Variants in NR3C2 observed in about 807,000 individuals in gnomAD.
The protein encoded by NR3C2 is nuclear receptor subfamily 3 group C member 2, also known as mineralocorticoid receptor.
In NR3C2, 15 loss-of-function variants were observed where a neutral mutation model predicts 86.4. The ratio of observed to expected loss-of-function variants is 0.17; its 90% CI spans 0.12 to 0.27. NR3C2 has a LOEUF of 0.27. NR3C2 is among the 10% of genes least tolerant of loss of function. The probability of loss-of-function intolerance (pLI) is 1.00; values close to 1 mark genes in which losing one functional copy is unlikely to be tolerated. For synonymous variants in NR3C2, 458 were observed against 450.5 expected (o/e 1.02, Z -0.21); for missense variants, 960 against 1,195.6 (o/e 0.80, Z 2.91).
At chr4:148,371,081 T>C (rs1746393259) in intron 2 of NR3C2, among the ~76,000 whole-genome samples, 1 of 152,168 alleles carries the variant, frequency 6.6e-6, no homozygotes, top group Non-Finnish European at 1.5e-5. Flanking sequence ...GTATATATAT[T>C]TATGGGTTAT....
At chr4:148,352,285 T>C (rs1459350888) in intron 2 of NR3C2, among the ~76,000 whole-genome samples, 3 of 152,232 alleles carry the variant, frequency 2.0e-5, no homozygotes, top group Non-Finnish European at 2.9e-5. Flanking sequence ...TATTACCTTA[T>C]GCTTTATTTT....
chr4:148,283,107 T>C (rs1741330422), intron 2 of NR3C2, among the ~76,000 whole-genome samples: 1 of 152,092 alleles, frequency 6.6e-6, no homozygotes. Flanking sequence ...TTTGAAGAAG[T>C]AAACAATCAG....
At chr4:148,410,446 C>A (rs1001694274) in intron 2 of NR3C2, among the ~76,000 whole-genome samples, 13 of 152,206 alleles carry the variant, frequency 8.5e-5, no homozygotes, top group African/African-American at 3.1e-4. Flanking sequence ...CTTCAGTTCA[C>A]AGTATATTCC....
At chr4:148,401,486 CAG>C (rs1748160958) in intron 2 of NR3C2, among the ~76,000 whole-genome samples, 1 of 114,808 alleles carries the variant, frequency 8.7e-6, no homozygotes, top group Non-Finnish European at 1.7e-5. Flanking sequence ...TTTTTTGAGA[CAG>C]AGTCTTGCTC....
intron 4 of NR3C2, among the ~76,000 whole-genome samples, chr4:148,167,941 G>A (rs181263867): frequency 8.0e-4 from 122 of 152,332 alleles, no homozygotes; most frequent in African/African-American, 1.9e-3. Flanking sequence ...AGGAGCAGAG[G>A]ACCTGACAGC....
chr4:148,432,023 G>C (rs1171194155), intron 2 of NR3C2, among the ~76,000 whole-genome samples: 1 of 151,962 alleles, frequency 6.6e-6, no homozygotes, highest in Non-Finnish European at 1.5e-5. Context: ...TATTAAATTA[G>C]TTTAAATTAA....
intron 2 of NR3C2, among the ~76,000 whole-genome samples, chr4:148,335,302 T>C (rs1479591404): frequency 6.6e-6 from 1 of 152,226 alleles, no homozygotes; most frequent in Non-Finnish European, 1.5e-5. Flanking sequence ...TCTGTATTTA[T>C]TTATCAACAT....
intron 4 of NR3C2, among the ~76,000 whole-genome samples, chr4:148,190,445 G>A (rs909290049): frequency 5.3e-5 from 8 of 152,090 alleles, no homozygotes; most frequent in Non-Finnish European, 8.8e-5. Context: ...CTTGTTTTAC[G>A]GCCTATCATA....
At chr4:148,227,242 G>A (rs772769770) in intron 3 of NR3C2, among the ~76,000 whole-genome samples, 7 of 152,034 alleles carry the variant, frequency 4.6e-5, no homozygotes, top group South Asian at 2.1e-4. Flanking sequence ...CCGTCATTCC[G>A]TAGAATGTTT....
chr4:148,192,450 G>T (rs963630807), intron 4 of NR3C2, among the ~76,000 whole-genome samples: 6 of 152,212 alleles, frequency 3.9e-5, no homozygotes, highest in African/African-American at 1.4e-4. Context: ...TTTTTGTGCT[G>T]GTTGGCCTCC....
chr4:148,327,227 C>CA (rs1406869437), intron 2 of NR3C2, among the ~76,000 whole-genome samples: 1 of 152,018 alleles, frequency 6.6e-6, no homozygotes, highest in East Asian at 1.9e-4. Context: ...ATTAGTGGTA[C>CA]AATGCAGCAC....
intron 2 of NR3C2, among the ~76,000 whole-genome samples, chr4:148,402,329 C>T (rs116205995): frequency 1.5e-3 from 223 of 152,304 alleles, no homozygotes; most frequent in African/African-American, 4.9e-3. Flanking sequence ...GCACTTAATA[C>T]CAAAGACACT....
At chr4:148,114,427 A>C (rs781582556) in intron 7 of NR3C2, among the ~76,000 whole-genome samples, 166 bp from the exon 8 acceptor site, 4 of 152,264 alleles carry the variant, frequency 2.6e-5, no homozygotes, top group Non-Finnish European at 5.9e-5. Context: ...GTACACATAC[A>C]TACACAAAGA....
intron 3 of NR3C2, among the ~76,000 whole-genome samples, chr4:148,202,100 C>T (rs1736751653): frequency 1.3e-5 from 2 of 152,224 alleles, no homozygotes; most frequent in Admixed American, 1.3e-4. Flanking sequence ...ACTTATCACA[C>T]ATTGGGAACA....
rs141877690 is a variant in NR3C2 at position 148,171,429 on chromosome 4, C to CT, written c.2015-16529dup. Among the ~76,000 whole-genome samples, 499 of 152,288 alleles carry CT rather than the reference C, an allele frequency of 3.3e-3. 2 individuals carry two copies. Among genetic ancestry groups the CT allele is most frequent in the African/African-American group, 0.012 (485 of 41,566 alleles). On this transcript the variant is annotated intron_variant, in intron 4 of 8. Coordinates refer to ENST00000358102, the MANE Select transcript of NR3C2 (RefSeq NM_000901.5). Reference sequence around the variant, plus strand: ...ATGCCTTATAGCAGTGGTTCCCAACCTTTTGGGCACCAGGGACTGGTTTTG... The same window carrying CT: ...ATGCCTTATAGCAGTGGTTCCCAACCTTTTTGGGCACCAGGGACTGGTTTTG...
intron 3 of NR3C2, among the ~76,000 whole-genome samples, chr4:148,203,410 A>G (rs1736831290): frequency 6.6e-6 from 1 of 150,674 alleles, no homozygotes; most frequent in Admixed American, 6.6e-5. Context: ...TCTCTTTTTC[A>G]TTTTTAAAGA....
At chr4:148,380,566 T>C (rs1274008791) in intron 2 of NR3C2, among the ~76,000 whole-genome samples, 1 of 152,242 alleles carries the variant, frequency 6.6e-6, no homozygotes, top group African/African-American at 2.4e-5. Context: ...CCACCAGCAA[T>C]GCATGAACAT....
intron 4 of NR3C2, among the ~76,000 whole-genome samples, chr4:148,167,626 G>C (rs549366257): frequency 1.3e-5 from 2 of 152,266 alleles, no homozygotes; most frequent in East Asian, 3.9e-4. Context: ...GTATTTTATT[G>C]CATGGCACAC....
At chr4:148,403,712 A>G (rs1034406539) in intron 2 of NR3C2, among the ~76,000 whole-genome samples, 25 of 152,124 alleles carry the variant, frequency 1.6e-4, no homozygotes, top group African/African-American at 6.0e-4. Context: ...TAAATAATAT[A>G]AAGAGGAAAG....
Sources: allele counts gnomAD v4.1 joint callset (sites outside exome capture counted in the v4.1 genomes callset), GRCh38; gene constraint gnomAD v4.1.1; transcripts MANE v1.5; gene names NCBI Gene and HGNC (gene_info 2026-07-23, HGNC 2026-07-21).